PLPP1: variants seen among roughly 807,000 people sequenced by gnomAD.
PLPP1 encodes the protein lipid phosphate phosphohydrolase 1a.
PLPP1 carries 24 observed loss-of-function variants against 31.2 expected under a neutral mutation model. That is an observed-to-expected ratio of 0.77 (90% CI 0.56 to 1.08). The LOEUF (loss-of-function observed/expected upper bound fraction) is 1.08, where lower values mean the gene tolerates loss of function less well. Ranked by LOEUF, PLPP1 falls within the 50% of genes least tolerant of loss-of-function variation. The pLI, the probability that PLPP1 is intolerant of heterozygous loss-of-function variation, is 0.00. For missense variants in PLPP1, 319 were observed against 342.7 expected (o/e 0.93, Z 0.55); for synonymous variants, 146 against 126.3 (o/e 1.16, Z -1.05).
In PLPP1 at chr5:55,534,764, C is replaced by T. The variant is rs1224811395; in HGVS notation, c.-135G>A. ...GCCCCTCCCAGCCGGAGGAGGAGAG[C>T]AGCCGAGGGCGGGCTGAGACCGGGC... On this transcript the variant is annotated 5_prime_UTR_variant, in exon 1 of 6. Coordinates refer to ENST00000307259, the MANE Select transcript of PLPP1 (RefSeq NM_003711.4). The T allele has an allele frequency of 3.2e-6, 3 of 930,108 alleles. No individual in the cohort carries two copies. The highest frequency in any genetic ancestry group is 4.6e-6 in the Non-Finnish European group (3 of 657,796). The allele number at this position is 930,108 out of a possible 1,614,324, so 57.6% of individuals were successfully genotyped here. A position where few individuals can be genotyped will look rare whatever the true frequency, so the allele number is the denominator to read the frequency against.
At chr5:55,507,732 G>T (rs1753312607) in intron 1 of PLPP1, among the ~76,000 whole-genome samples, 1 of 152,104 alleles carries the variant, frequency 6.6e-6, no homozygotes, top group Non-Finnish European at 1.5e-5. Context: ...AGCCCTCTGG[G>T]TTCACCTGGT....
chr5:55,530,378 T>C (rs1186763992), intron 1 of PLPP1: 8 of 1,317,934 alleles, frequency 6.1e-6, no homozygotes, highest in Admixed American at 1.7e-5. Flanking sequence ...AGTGATCCAG[T>C]AAACGCTCTC....
intron 3 of PLPP1, among the ~76,000 whole-genome samples, chr5:55,458,887 CAAAAAAAAAAAAAAAAA>C (rs529067608): frequency 9.5e-5 from 2 of 21,098 alleles, no homozygotes; most frequent in Non-Finnish European, 2.9e-4. Flanking sequence ...ACCCTGTCTC[CAAAAAAAAAAAAAAAAA>C]AAAAAAAAAA....
chr5:55,457,704 T>C (rs544094407), intron 3 of PLPP1, among the ~76,000 whole-genome samples: 205 of 152,044 alleles, frequency 1.3e-3, no homozygotes, highest in Non-Finnish European at 2.4e-3. Flanking sequence ...GCCTGGCCAA[T>C]ATGGTGAAAC....
chr5:55,458,495 A>T (rs1174237757), intron 3 of PLPP1, among the ~76,000 whole-genome samples: 3 of 152,178 alleles, frequency 2.0e-5, no homozygotes, highest in Non-Finnish European at 4.4e-5. Flanking sequence ...AACAGATAAC[A>T]TGTCAGTAGG....
Position 55,534,797 on chromosome 5 carries a change from C to A in PLPP1, c.-168G>T. 1.5e-6 allele frequency: 1 copy of A among 651,404 alleles called. No homozygotes were observed. Among genetic ancestry groups the A allele is most frequent in the Non-Finnish European group, 2.4e-6 (1 of 411,304 alleles). The allele number at this position is 651,404 out of a possible 1,614,324, so 40.4% of individuals were successfully genotyped here. On this transcript the variant is annotated 5_prime_UTR_variant, in exon 1 of 6. Transcript: ENST00000307259. Reference sequence around the variant, plus strand: ...GGCGGGCTGAGACCGGGCGGCGCTCCCACCGCCAGCAATGGCGCCCGGGGC... The same window carrying A: ...GGCGGGCTGAGACCGGGCGGCGCTCACACCGCCAGCAATGGCGCCCGGGGC...
intron 4 of PLPP1, among the ~76,000 whole-genome samples, chr5:55,432,125 G>T (rs542485790): frequency 2.2e-5 from 3 of 134,726 alleles, no homozygotes; most frequent in Non-Finnish European, 3.1e-5. Flanking sequence ...TTTTTTTTTG[G>T]TAGAGACAGG....
At chr5:55,467,167 A>G (rs901199250) in intron 3 of PLPP1, among the ~76,000 whole-genome samples, 2 of 152,186 alleles carry the variant, frequency 1.3e-5, no homozygotes, top group African/African-American at 4.8e-5. Flanking sequence ...AAATCTAAAC[A>G]ATAATAATAA....
intron 2 of PLPP1, among the ~76,000 whole-genome samples, chr5:55,471,337 G>A (rs1752410327): frequency 6.6e-6 from 1 of 151,890 alleles, no homozygotes; most frequent in Admixed American, 6.6e-5. Context: ...GTGTAGCCAG[G>A]ATTACAGGCA....
At chr5:55,490,935 A>G in intron 1 of PLPP1, 1 of 1,595,388 alleles carries the variant, frequency 6.3e-7, no homozygotes, top group Non-Finnish European at 8.6e-7. Flanking sequence ...CAAACCCATC[A>G]CTACCTACTT....
At chr5:55,434,370 A>G (rs1257396675) in intron 4 of PLPP1, among the ~76,000 whole-genome samples, 3 of 152,104 alleles carry the variant, frequency 2.0e-5, no homozygotes, top group African/African-American at 7.2e-5. Flanking sequence ...GCAATCTACA[A>G]ATTTAATGCA....
intron 3 of PLPP1, among the ~76,000 whole-genome samples, chr5:55,452,735 T>C (rs1751920013): frequency 6.6e-6 from 1 of 152,216 alleles, no homozygotes; most frequent in Admixed American, 6.5e-5. Flanking sequence ...TCAATTAACA[T>C]ATCAATCATA....
chr5:55,493,040 C>T (rs1351619485), intron 1 of PLPP1, among the ~76,000 whole-genome samples: 2 of 152,128 alleles, frequency 1.3e-5, no homozygotes, highest in Admixed American at 1.3e-4. Flanking sequence ...AGGCTGAGTA[C>T]GGTGGGTCAC....
At chr5:55,513,268 C>CTTTTTTTTTTTTTTT (rs71600887) in intron 1 of PLPP1, among the ~76,000 whole-genome samples, 6 of 117,566 alleles carry the variant, frequency 5.1e-5, no homozygotes, top group South Asian at 2.8e-4. Context: ...ATAATGACTC[C>CTTTTTTTTTTTTTTT]TTTTTTTTTA....
At chr5:55,483,594 C>G (rs1171663945) in intron 1 of PLPP1, among the ~76,000 whole-genome samples, 1 of 151,594 alleles carries the variant, frequency 6.6e-6, no homozygotes, top group African/African-American at 2.4e-5. Flanking sequence ...ATTGCTTAAA[C>G]CCAGGAGGCA....
At chr5:55,467,401 A>G (rs1752325286) in intron 3 of PLPP1, among the ~76,000 whole-genome samples, 3 of 152,136 alleles carry the variant, frequency 2.0e-5, no homozygotes, top group East Asian at 1.9e-4. Context: ...AATATTTACT[A>G]TTGGCTGGGT....
At chr5:55,459,243 C>G (rs1281009653) in intron 3 of PLPP1, among the ~76,000 whole-genome samples, 1 of 145,762 alleles carries the variant, frequency 6.9e-6, no homozygotes, top group Non-Finnish European at 1.5e-5. Flanking sequence ...AAAAAAAAAA[C>G]GACACTTGTA....
At chr5:55,497,188 C>T (rs942937087) in intron 1 of PLPP1, among the ~76,000 whole-genome samples, 26 of 151,910 alleles carry the variant, frequency 1.7e-4, no homozygotes, top group Middle Eastern at 3.4e-3. Flanking sequence ...GCAGCTGCAA[C>T]GCCAAGAAAG....
intron 1 of PLPP1, among the ~76,000 whole-genome samples, chr5:55,503,785 G>T (rs1409062845): frequency 7.6e-6 from 1 of 132,058 alleles, no homozygotes; most frequent in East Asian, 2.2e-4. Flanking sequence ...TCAAAACGAA[G>T]GAGAGGAAGG....
Sources: gnomAD v4.1 joint callset for allele counts (sites outside exome capture counted in the v4.1 genomes callset) on GRCh38, gnomAD v4.1.1 for gene constraint, MANE v1.5 for transcripts, NCBI Gene and HGNC (gene_info 2026-07-23, HGNC 2026-07-21) for gene names.